ERC1: variants seen among roughly 807,000 people sequenced by gnomAD.
ERC1 encodes RAB6 interacting protein 2.
A neutral mutation model predicts 132.0 loss-of-function variants in ERC1; 56 were observed. That is an observed-to-expected ratio of 0.42 (90% CI 0.34 to 0.53). The LOEUF is 0.53. Among genes scored for constraint, ERC1 ranks in the 20% least tolerant of loss-of-function variants. ERC1 has a pLI of 0.03. For synonymous variants in ERC1, 478 were observed against 476.1 expected, an observed-to-expected ratio of 1.00 and a Z score of -0.05; for missense variants, 1,202 against 1,349.9, an observed-to-expected ratio of 0.89 and a Z score of 1.72.
chr12:1,484,926 G>A (rs1371575705), intron 18 of ERC1, among the ~76,000 whole-genome samples: 1 of 151,164 alleles, frequency 6.6e-6, no homozygotes, highest in Admixed American at 6.6e-5. Context: ...TGTTGCGCAG[G>A]CTAGAGTGCA....
intron 2 of ERC1, among the ~76,000 whole-genome samples, chr12:1,062,723 C>A (rs993577052): frequency 6.6e-6 from 1 of 152,130 alleles, no homozygotes; most frequent in African/African-American, 2.4e-5. Flanking sequence ...CTGTTAGTTC[C>A]ATTTGGTCCA....
intron 17 of ERC1, among the ~76,000 whole-genome samples, chr12:1,432,607 A>G (rs2092829441): frequency 6.6e-6 from 1 of 152,254 alleles, no homozygotes; most frequent in Admixed American, 6.5e-5. Flanking sequence ...ATAGTAGTTA[A>G]TAATTATTGA....
intron 15 of ERC1, among the ~76,000 whole-genome samples, chr12:1,358,575 A>C (rs77020748): frequency 0.03 from 4,632 of 152,284 alleles, 93 homozygotes; most frequent in South Asian, 0.087. Context: ...CCAGAAACTC[A>C]GTAGGTCTGG....
rs1347117538 is a variant in ERC1, at chr12:1,444,759, C to G, written c.3213+9C>G. ...AGATGACCCGGGGGCAGGTGAGCCTCTCACTCAAACTTTGAAAAGAGCCTG... is the reference window on the plus strand; with the variant it reads ...AGATGACCCGGGGGCAGGTGAGCCTGTCACTCAAACTTTGAAAAGAGCCTG... On this transcript the variant is annotated intron_variant, in intron 18 of 18. Coordinates refer to ENST00000360905, the MANE Select transcript of ERC1 (RefSeq NM_178040.4). 6.2e-6 allele frequency: 10 copies of G among 1,610,660 alleles called. No individual in the cohort carries two copies. Among genetic ancestry groups the G allele is most frequent in the Non-Finnish European group, 7.6e-6 (9 of 1,179,172 alleles).
chr12:1,313,672 G>T (rs2081477015), intron 15 of ERC1, among the ~76,000 whole-genome samples: 1 of 151,892 alleles, frequency 6.6e-6, no homozygotes. Flanking sequence ...TATTTTTCTG[G>T]AAGTATTAAA....
chr12:1,073,359 A>T lies in ERC1; in HGVS notation c.670-9805A>T, dbSNP rs1940767177. Among the ~76,000 whole-genome samples, 3 of 152,060 alleles carry T rather than the reference A, an allele frequency of 2.0e-5. No individual in the cohort carries two copies. In the South Asian group the frequency reaches 6.2e-4, roughly 32 times the overall value. ...TGTGTGGAAAATATACACAAGATAT[A>T]AGACCAATAAAATGCTACTGTCTAG... On this transcript the variant is annotated intron_variant, in intron 2 of 18. Coordinates refer to ENST00000360905, the MANE Select transcript of ERC1 (RefSeq NM_178040.4).
chr12:1,034,572 A>G (rs1968707536), intron 2 of ERC1, among the ~76,000 whole-genome samples: 1 of 152,190 alleles, frequency 6.6e-6, no homozygotes, highest in African/African-American at 2.4e-5. Context: ...TATCAAATTT[A>G]GAGTAGATTT....
intron 16 of ERC1, among the ~76,000 whole-genome samples, chr12:1,397,623 G>T (rs2090650501): frequency 6.6e-6 from 1 of 152,138 alleles, no homozygotes; most frequent in Admixed American, 6.5e-5. Flanking sequence ...ATGAGTATAT[G>T]ATTGCTAATA....
chr12:1,484,062 T>C (rs1280010534), intron 18 of ERC1, among the ~76,000 whole-genome samples: 9 of 106,398 alleles, frequency 8.5e-5, no homozygotes, highest in Non-Finnish European at 1.4e-4. Context: ...TCCCAGCACT[T>C]TGGGAGGCTG....
At chr12:1,303,487 A>G (rs1398627959) in intron 15 of ERC1, among the ~76,000 whole-genome samples, 7 of 151,760 alleles carry the variant, frequency 4.6e-5, no homozygotes, top group Non-Finnish European at 1.0e-4. Flanking sequence ...ATACAAAAAA[A>G]AATTAGCTGG....
intron 15 of ERC1, among the ~76,000 whole-genome samples, chr12:1,321,205 C>G (rs566195855): frequency 6.6e-6 from 1 of 152,306 alleles, no homozygotes; most frequent in East Asian, 1.9e-4. Context: ...TTAATTTACT[C>G]TGAGCCTCAG....
chr12:1,119,585 C>T (rs60112940), intron 7 of ERC1, among the ~76,000 whole-genome samples: 5,860 of 142,656 alleles, frequency 0.041, 511 homozygotes, highest in African/African-American at 0.15. Flanking sequence ...GAGTTTTGCT[C>T]TTGTTGCCCA....
chr12:1,321,077 A>G (rs1403143526), intron 15 of ERC1, among the ~76,000 whole-genome samples: 1 of 152,230 alleles, frequency 6.6e-6, no homozygotes, highest in African/African-American at 2.4e-5. Context: ...GAAGGGTATA[A>G]GAATATCCAT....
chr12:1,160,358 C>T (rs138619383), intron 8 of ERC1, among the ~76,000 whole-genome samples: 2 of 152,036 alleles, frequency 1.3e-5, no homozygotes, highest in Non-Finnish European at 2.9e-5. Context: ...TTTTTGTAAG[C>T]TCACTTTGTT....
chr12:998,172 G>T (rs898042323), intron 1 of ERC1: 1 of 152,158 alleles, frequency 6.6e-6, no homozygotes. Context: ...TTATTTCAGT[G>T]AAACTGAAAA....
chr12:1,230,440 A>G (rs1332777257), intron 12 of ERC1, among the ~76,000 whole-genome samples: 2 of 152,150 alleles, frequency 1.3e-5, no homozygotes. Context: ...TAGTTGAAAA[A>G]CATGCTTGAT....
At position 1,141,806 on chromosome 12, in the gene ERC1, G is replaced by A. The variant is rs768940188; in HGVS notation, c.1737+19G>A. 16 of 1,529,094 alleles carry A rather than the reference G, an allele frequency of 1.0e-5. No homozygotes were observed. In the Admixed American group the frequency reaches 1.9e-4, roughly 19 times the overall value. 94.7% of individuals were successfully genotyped at this position (1,529,094 alleles called of 1,614,324 possible). ...GAAGAAGGTAAGGTACAGGTGTTTC[G>A]AGTTCAGTGGCCCATTCCTCATACA... On this transcript the variant is annotated intron_variant, in intron 8 of 18. Transcript: ENST00000360905.
At chr12:1,327,274 C>T (rs2154356246) in intron 15 of ERC1, among the ~76,000 whole-genome samples, 1 of 151,446 alleles carries the variant, frequency 6.6e-6, no homozygotes. Flanking sequence ...GATCCATCCC[C>T]CAGAGTCTTG....
At chr12:1,050,060 A>G (rs1285886519) in intron 2 of ERC1, among the ~76,000 whole-genome samples, 1 of 152,130 alleles carries the variant, frequency 6.6e-6, no homozygotes, top group Non-Finnish European at 1.5e-5. Context: ...TTTTAAAAGA[A>G]TTGCCTTCAG....
Sources: gnomAD v4.1 joint callset for allele counts (sites outside exome capture counted in the v4.1 genomes callset) on GRCh38, gnomAD v4.1.1 for gene constraint, MANE v1.5 for transcripts, NCBI Gene and HGNC (gene_info 2026-07-23, HGNC 2026-07-21) for gene names.